The following SMCHD1 variants were observed in gnomAD, a reference collection of about 807,000 sequenced individuals.
SMCHD1 encodes structural maintenance of chromosomes flexible hinge domain containing 1.
Under a neutral mutation model 254.7 loss-of-function variants are expected in SMCHD1, and 78 were observed. The ratio of observed to expected loss-of-function variants is 0.31; its 90% confidence interval spans 0.26 to 0.37. The LOEUF is 0.37. SMCHD1 is among the 10% of genes least tolerant of loss of function. SMCHD1 has a pLI of 1.00. For synonymous variants in SMCHD1, 766 were observed against 794.9 expected (o/e 0.96, Z 0.61); for missense variants, 1,840 against 2,408.1 (o/e 0.76, Z 4.94).
intron 25 of SMCHD1, among the ~76,000 whole-genome samples, chr18:2,734,822 C>T (rs1287894451): frequency 6.6e-6 from 1 of 151,958 alleles, no homozygotes; most frequent in African/African-American, 2.4e-5. Context: ...GTAATCCTAG[C>T]ACTTTGGGAG....
intron 26 of SMCHD1, 64 bp from the exon 27 acceptor site, chr18:2,739,368 G>A: frequency 3.6e-6 from 4 of 1,118,868 alleles, no homozygotes; most frequent in Middle Eastern, 2.1e-4. Context: ...TTATTCTGTA[G>A]CATGTTGGAA....
chr18:2,671,037 A>G (rs1247811618), intron 3 of SMCHD1, among the ~76,000 whole-genome samples: 5 of 150,192 alleles, frequency 3.3e-5, no homozygotes, highest in Non-Finnish European at 5.9e-5. Context: ...CCTGGGTTCA[A>G]GCAATTCCCC....
chr18:2,655,882 C>T lies in SMCHD1; in HGVS notation c.-194C>T. ...GTGACGTGGTGCACGGGCAGGAGCG[C>T]GTTTGAATCGGTTCCCGGGTGATCC... On this transcript the variant is annotated 5_prime_UTR_variant, in exon 1 of 48. Transcript: ENST00000320876. 1 of 376,480 alleles carries T rather than the reference C, an allele frequency of 2.7e-6. No individual in the cohort carries two copies. Among genetic ancestry groups the T allele is most frequent in the Non-Finnish European group, 4.7e-6 (1 of 214,378 alleles). The allele number at this position is 376,480 out of a possible 1,614,324, so 23.3% of individuals were successfully genotyped here.
chr18:2,763,363 G>A (rs1293353584), intron 36 of SMCHD1, among the ~76,000 whole-genome samples: 1 of 152,148 alleles, frequency 6.6e-6, no homozygotes, highest in Non-Finnish European at 1.5e-5. Context: ...GGTACTAAAA[G>A]TACATGAAAA....
chr18:2,748,439 G>C lies in SMCHD1; in HGVS notation c.3927+792G>C, dbSNP rs1267037779. Among the ~76,000 whole-genome samples, 69 of 136,284 alleles carry C rather than the reference G, an allele frequency of 5.1e-4. 6 individuals are homozygous for C. The South Asian group carries it at 0.017, about 33-fold the overall frequency. 89.4% of individuals were successfully genotyped at this position (136,284 alleles called of 152,430 possible). A position where few individuals can be genotyped will look rare whatever the true frequency, so the allele number is the denominator to read the frequency against. ...ACAGAGTCTCGCTGCAACGCCCCAG[G>C]CTGGAGTGCAGTGGCGTGATCTTGG... On this transcript the variant is annotated intron_variant, in intron 30 of 47. Transcript: ENST00000320876.
At chr18:2,773,271 AT>A (rs2076013337) in intron 41 of SMCHD1, among the ~76,000 whole-genome samples, 1 of 152,238 alleles carries the variant, frequency 6.6e-6, no homozygotes, top group Non-Finnish European at 1.5e-5. Flanking sequence ...GTTTTAAAAT[AT>A]TATTCCAATT....
chr18:2,769,555 T>G (rs1185285646), intron 37 of SMCHD1, 139 bp from the exon 38 acceptor site: 1 of 820,470 alleles, frequency 1.2e-6, no homozygotes, highest in African/African-American at 1.7e-5. Context: ...TTTAATGGAA[T>G]CTTAAGGATC....
chr18:2,725,313 T>TC (rs1183088297), intron 21 of SMCHD1, among the ~76,000 whole-genome samples: 18 of 151,926 alleles, frequency 1.2e-4, no homozygotes, highest in African/African-American at 4.3e-4. Context: ...TTTTTTTTTT[T>TC]TCTCTCTCCT....
intron 30 of SMCHD1, among the ~76,000 whole-genome samples, chr18:2,749,054 A>T (rs1428164177): frequency 6.6e-6 from 1 of 152,226 alleles, no homozygotes; most frequent in African/African-American, 2.4e-5. Flanking sequence ...CTGTTAAATG[A>T]GGCTATGATA....
Position 2,703,692 on chromosome 18 carries a change from G to T in SMCHD1, c.1648G>T (p.Glu550Ter). ...CATAAAACATTTTAAAATTCTACAG[G>T]AACAGCGAATGAAAATTGACAGAGA... ...TLFTRILNGQ[E>*]QRMKIDREFA... Residue 550 changes from glutamate to a stop codon, truncating the protein, a stop_gained and splice_region_variant, in exon 13 of 48, where the codon GAA becomes TAA. Coordinates refer to ENST00000320876, the MANE Select transcript of SMCHD1 (RefSeq NM_015295.3). LOFTEE classifies it high-confidence loss of function. The T allele has an allele frequency of 6.2e-7, 1 of 1,604,084 alleles. No individual in the cohort carries two copies. Among genetic ancestry groups the T allele is most frequent in the South Asian group, 1.1e-5 (1 of 89,288 alleles).
chr18:2,801,616 ATAG>A (rs1439636232), intron 47 of SMCHD1, among the ~76,000 whole-genome samples: 3 of 152,178 alleles, frequency 2.0e-5, no homozygotes, highest in Non-Finnish European at 4.4e-5. Context: ...AACAAATTTA[ATAG>A]TAGGAAAGGA....
intron 17 of SMCHD1, among the ~76,000 whole-genome samples, chr18:2,716,053 T>TG (rs2074792471): frequency 6.6e-6 from 1 of 152,186 alleles, no homozygotes; most frequent in Non-Finnish European, 1.5e-5. Flanking sequence ...TTACATTTGT[T>TG]GGGGCAGGAC....
chr18:2,710,895 A>C (rs2074651113), intron 17 of SMCHD1, among the ~76,000 whole-genome samples: 1 of 152,022 alleles, frequency 6.6e-6, no homozygotes, highest in South Asian at 2.1e-4. Context: ...TGTTTTCCCA[A>C]ATGTTTTCTC....
intron 26 of SMCHD1, 70 bp from the exon 27 acceptor site, chr18:2,739,362 T>A: frequency 4.7e-6 from 5 of 1,058,458 alleles, no homozygotes; most frequent in Non-Finnish European, 7.4e-6. Flanking sequence ...TATGTGTTAT[T>A]CTGTAGCATG....
intron 4 of SMCHD1, among the ~76,000 whole-genome samples, chr18:2,673,656 A>G (rs2073671616): frequency 6.6e-6 from 1 of 152,186 alleles, no homozygotes; most frequent in African/African-American, 2.4e-5. Flanking sequence ...CTTATTGGCT[A>G]TAATATAAAT....
intron 44 of SMCHD1, among the ~76,000 whole-genome samples, chr18:2,782,946 G>C (rs2076181047): frequency 6.6e-6 from 1 of 151,954 alleles, no homozygotes; most frequent in South Asian, 2.1e-4. Flanking sequence ...TTTTGAATTT[G>C]TAAATACTGG....
In SMCHD1 at chr18:2,796,464, C is replaced by A. The variant is rs747322089; in HGVS notation, c.5936C>A (p.Thr1979Lys). Residue 1979 changes from threonine (T) to lysine (K), a missense_variant, in exon 47 of 48, where the codon ACG becomes AAG. Around this residue, in one of 9 missense-constraint regions of SMCHD1, gnomAD observed 132 missense variants for 138.2 expected, o/e 0.95. Coordinates refer to ENST00000320876, the MANE Select transcript of SMCHD1 (RefSeq NM_015295.3). ...DSLRHSPKVE[T>K]TDCPVPPKRM... ...TTGCGTCATTCACCAAAGGTTGAGA[C>A]GACAGATTGTCCAGTTCCTCCTAAA... The A allele has an allele frequency of 4.4e-6, 7 of 1,605,960 alleles. No homozygotes were observed. The highest frequency in any genetic ancestry group is 6.0e-6 in the Non-Finnish European group (7 of 1,176,166).
chr18:2,790,322 A>G (rs766311899), intron 45 of SMCHD1, among the ~76,000 whole-genome samples: 3 of 152,240 alleles, frequency 2.0e-5, no homozygotes, highest in Non-Finnish European at 2.9e-5. Flanking sequence ...AGGTGAGTGC[A>G]GTACAATAAG....
intron 17 of SMCHD1, among the ~76,000 whole-genome samples, chr18:2,714,351 G>A (rs1252430240): frequency 6.6e-6 from 1 of 152,110 alleles, no homozygotes; most frequent in South Asian, 2.1e-4. Flanking sequence ...TTTACCTTCA[G>A]TCTATAATTG....
Sources: allele counts gnomAD v4.1 joint callset (sites outside exome capture counted in the v4.1 genomes callset), GRCh38; gene constraint gnomAD v4.1.1; regional missense constraint gnomAD v4.1.1; transcripts MANE v1.5; gene names NCBI Gene and HGNC (gene_info 2026-07-23, HGNC 2026-07-21).